The following NTM variants were observed in gnomAD, a reference collection of about 807,000 sequenced individuals.
NTM encodes neurotrimin.
Under a neutral mutation model 42.1 loss-of-function variants are expected in NTM, and 13 were observed. That is an observed-to-expected ratio of 0.31 (90% CI 0.20 to 0.49). NTM has a LOEUF of 0.49. NTM is among the 20% of genes least tolerant of loss of function. The probability of loss-of-function intolerance (pLI) is 0.99; values close to 1 mark genes in which losing one functional copy is unlikely to be tolerated. For synonymous variants in NTM, 187 were observed against 179.2 expected, an observed-to-expected ratio of 1.04 and a Z score of -0.35; for missense variants, 373 against 452.8, an observed-to-expected ratio of 0.82 and a Z score of 1.60.
chr11:131,421,359 G>A (rs531854869), intron 1 of NTM, among the ~76,000 whole-genome samples: 1 of 152,318 alleles, frequency 6.6e-6, no homozygotes, highest in African/African-American at 2.4e-5. Context: ...GCCTGCACAT[G>A]GCCCTTCTCC....
chr11:132,335,839 G>T lies in NTM; in HGVS notation c.*693G>T. ...TTCTGATATGAGTCTAGAACTTACTGCAAAAACAAGACAAAACTAAAAAAA... is the reference window on the plus strand; with the variant it reads ...TTCTGATATGAGTCTAGAACTTACTTCAAAAACAAGACAAAACTAAAAAAA... On this transcript the variant is annotated 3_prime_UTR_variant, in exon 9 of 9. Coordinates refer to ENST00000683400, the MANE Select transcript of NTM (RefSeq NM_001352005.2). 1 of 151,802 alleles carries T rather than the reference G, an allele frequency of 6.6e-6. No homozygotes were observed. Among genetic ancestry groups the T allele is most frequent in the South Asian group, 2.1e-4 (1 of 4,794 alleles). The allele number at this position is 151,802 out of a possible 1,614,324, so 9.4% of individuals were successfully genotyped here. A position where few individuals can be genotyped will look rare whatever the true frequency, so the allele number is the denominator to read the frequency against.
At chr11:132,159,199 C>T (rs2073826040) in intron 3 of NTM, among the ~76,000 whole-genome samples, 1 of 152,136 alleles carries the variant, frequency 6.6e-6, no homozygotes, top group South Asian at 2.1e-4. Flanking sequence ...CCTTGAGGGG[C>T]TGGACAAACA....
chr11:132,333,576 G>T (rs2095839717), intron 8 of NTM, among the ~76,000 whole-genome samples: 1 of 152,106 alleles, frequency 6.6e-6, no homozygotes, highest in Non-Finnish European at 1.5e-5. Flanking sequence ...AGTGCTCCTT[G>T]GTCACCTGTA....
At chr11:131,730,774 A>C (rs1308241106) in intron 1 of NTM, among the ~76,000 whole-genome samples, 1 of 152,034 alleles carries the variant, frequency 6.6e-6, no homozygotes, top group African/African-American at 2.4e-5. Flanking sequence ...TACAAAAGTC[A>C]GGAATGGATC....
chr11:131,618,336 G>A (rs556600850), intron 1 of NTM, among the ~76,000 whole-genome samples: 1 of 152,258 alleles, frequency 6.6e-6, no homozygotes, highest in South Asian at 2.1e-4. Context: ...CTGATGCACT[G>A]GTACCAAAAC....
intron 1 of NTM, among the ~76,000 whole-genome samples, chr11:131,645,679 T>A (rs1188219215): frequency 1.3e-5 from 2 of 152,224 alleles, no homozygotes; most frequent in Non-Finnish European, 2.9e-5. Flanking sequence ...TAGTACATTG[T>A]ATCTTTTAAA....
intron 2 of NTM, among the ~76,000 whole-genome samples, chr11:131,987,124 G>A (rs772246215): frequency 3.9e-5 from 6 of 152,122 alleles, no homozygotes; most frequent in Admixed American, 6.5e-5. Context: ...TACTAATGAG[G>A]AAACTGATGC....
chr11:131,690,214 C>A (rs1210345739), intron 1 of NTM, among the ~76,000 whole-genome samples: 1 of 152,196 alleles, frequency 6.6e-6, no homozygotes, highest in African/African-American at 2.4e-5. Context: ...GCGAGGCTTC[C>A]CTGAACACCT....
chr11:132,033,849 A>G (rs764150314), intron 2 of NTM, among the ~76,000 whole-genome samples: 1 of 152,208 alleles, frequency 6.6e-6, no homozygotes, highest in Non-Finnish European at 1.5e-5. Context: ...TGGTTGATTG[A>G]AAAAGAATCT....
intron 1 of NTM, among the ~76,000 whole-genome samples, chr11:131,805,719 A>T (rs1591984640): frequency 6.6e-6 from 1 of 152,182 alleles, no homozygotes; most frequent in South Asian, 2.1e-4. Context: ...ACACTTCTTT[A>T]TTGTCAATAA....
intron 1 of NTM, among the ~76,000 whole-genome samples, chr11:131,691,832 CGT>C (rs1213868239): frequency 6.6e-6 from 1 of 152,218 alleles, no homozygotes; most frequent in African/African-American, 2.4e-5. Flanking sequence ...AGGCGTCTTT[CGT>C]GTGTCATGTT....
At chr11:131,611,071 C>T (rs374063453) in intron 1 of NTM, among the ~76,000 whole-genome samples, 3 of 151,744 alleles carry the variant, frequency 2.0e-5, no homozygotes, top group East Asian at 1.9e-4. Context: ...GGGAAAGAGG[C>T]GTGGAGGAGG....
intron 2 of NTM, among the ~76,000 whole-genome samples, chr11:131,923,584 AG>A (rs1565745813): frequency 6.6e-6 from 1 of 152,200 alleles, no homozygotes; most frequent in African/African-American, 2.4e-5. Context: ...TGGAATCTAA[AG>A]GGCCTTTAAA....
At chr11:131,754,048 C>T (rs1233428785) in intron 1 of NTM, among the ~76,000 whole-genome samples, 14 of 141,800 alleles carry the variant, frequency 9.9e-5, no homozygotes, top group South Asian at 6.8e-4. Context: ...AACCAAACAC[C>T]GCATGTTCTC....
chr11:131,632,422 T>C (rs1422764629), intron 1 of NTM, among the ~76,000 whole-genome samples: 2 of 152,184 alleles, frequency 1.3e-5, no homozygotes, highest in African/African-American at 2.4e-5. Flanking sequence ...TGAAGGTTTA[T>C]AACTTTTCTT....
At chr11:132,316,045 T>TCAGTTTCC in intron 7 of NTM, among the ~76,000 whole-genome samples, 1 of 152,112 alleles carries the variant, frequency 6.6e-6, no homozygotes, top group South Asian at 2.1e-4. Context: ...AGGCTCCCCC[T>TCAGTTTCC]CAGTTTCCCA....
chr11:132,150,030 G>A (rs1420926215), intron 3 of NTM, among the ~76,000 whole-genome samples: 1 of 152,140 alleles, frequency 6.6e-6, no homozygotes, highest in African/African-American at 2.4e-5. Flanking sequence ...ATAAAAAAGA[G>A]GTTTATTTGG....
rs1489531136 is a variant in NTM at position 131,992,446 on chromosome 11, C to A, written c.167+80798C>A. Among the ~76,000 whole-genome samples, 4 of 151,676 alleles carry A rather than the reference C, an allele frequency of 2.6e-5. No homozygotes were observed. In the South Asian group the frequency reaches 8.4e-4, roughly 32 times the overall value. ...CATGGGGGTCCACACTCCTCACCCC[C>A]ACATTGTTCGAAGTTCAGCTGTAGA... On this transcript the variant is annotated intron_variant, in intron 2 of 8. Transcript: ENST00000683400.
chr11:131,428,805 C>T (rs543015682), intron 1 of NTM, among the ~76,000 whole-genome samples: 28 of 141,556 alleles, frequency 2.0e-4, no homozygotes, highest in African/African-American at 6.1e-4. Context: ...GAGGCTGAGG[C>T]GGGTGGAACA....
Sources: allele counts gnomAD v4.1 joint callset (sites outside exome capture counted in the v4.1 genomes callset), GRCh38; gene constraint gnomAD v4.1.1; transcripts MANE v1.5; gene names NCBI Gene and HGNC (gene_info 2026-07-23, HGNC 2026-07-21).